Variants in SLC35D4 observed in about 807,000 individuals in gnomAD.
SLC35D4 encodes UDP-N-acetylglucosamine transporter SLC35D4.
the SLC35D4 span, chr18:23,331,664 C>G: frequency 5.2e-5 from 8 of 153,430 alleles, no homozygotes; most frequent in Non-Finnish European, 1.2e-4. Flanking sequence ...AGCACCCACA[C>G]AGCTGCCACC....
At chr18:23,313,150 A>T in the SLC35D4 span, among the ~76,000 whole-genome samples, 1 of 145,326 alleles carries the variant, frequency 6.9e-6, no homozygotes, top group African/African-American at 2.5e-5. Flanking sequence ...AAAAAAAAAA[A>T]AAAAAAAGAA....
the SLC35D4 span, among the ~76,000 whole-genome samples, chr18:23,265,671 C>G: frequency 1.3e-5 from 2 of 152,006 alleles, no homozygotes; most frequent in Non-Finnish European, 2.9e-5. Flanking sequence ...GCTGCCGTGG[C>G]CCCACTGAGA....
the SLC35D4 span, among the ~76,000 whole-genome samples, chr18:23,328,350 G>A: frequency 4.6e-5 from 7 of 152,136 alleles, no homozygotes; most frequent in South Asian, 4.1e-4. Flanking sequence ...AGCAACTTCC[G>A]GAAAGTCTCA....
At chr18:23,315,524 T>C in the SLC35D4 span, among the ~76,000 whole-genome samples, 1 of 152,208 alleles carries the variant, frequency 6.6e-6, no homozygotes, top group Non-Finnish European at 1.5e-5. Context: ...CAATAGAGAC[T>C]TGCATGTGAT....
the SLC35D4 span, among the ~76,000 whole-genome samples, chr18:23,243,242 G>A: frequency 6.6e-6 from 1 of 152,050 alleles, no homozygotes; most frequent in South Asian, 2.1e-4. Flanking sequence ...TTCTGAGGAG[G>A]GGGCCTCTTT....
the SLC35D4 span, among the ~76,000 whole-genome samples, chr18:23,395,850 G>A: frequency 2.6e-5 from 4 of 152,212 alleles, no homozygotes; most frequent in Non-Finnish European, 5.9e-5. Context: ...GCCCGAATCA[G>A]CCCAAGTCCA....
chr18:23,253,998 A>G, the SLC35D4 span: 1 of 1,445,964 alleles, frequency 6.9e-7, no homozygotes, highest in Non-Finnish European at 9.7e-7. Context: ...TTCCTCTCTC[A>G]GAAGGATTCG....
the SLC35D4 span, among the ~76,000 whole-genome samples, chr18:23,390,942 T>C: frequency 3.3e-5 from 5 of 152,098 alleles, no homozygotes; most frequent in Non-Finnish European, 7.4e-5. Flanking sequence ...ATAATGTTCC[T>C]AGGCCGGGTG....
the SLC35D4 span, among the ~76,000 whole-genome samples, chr18:23,433,768 A>G: frequency 2.0e-5 from 3 of 152,190 alleles, no homozygotes; most frequent in Non-Finnish European, 4.4e-5. Flanking sequence ...CTACGAATAA[A>G]TAGGAGAACT....
the SLC35D4 span, among the ~76,000 whole-genome samples, chr18:23,298,879 C>G: frequency 6.6e-6 from 1 of 152,292 alleles, no homozygotes; most frequent in Non-Finnish European, 1.5e-5. Context: ...ATCTGCCTAC[C>G]CAACACCCCA....
the SLC35D4 span, among the ~76,000 whole-genome samples, chr18:23,433,330 C>G: frequency 1.3e-5 from 2 of 152,138 alleles, no homozygotes; most frequent in Non-Finnish European, 2.9e-5. Flanking sequence ...CCTTGTATCT[C>G]TTTTTTCAGT....
At chr18:23,326,798 G>T in the SLC35D4 span, among the ~76,000 whole-genome samples, 1 of 152,086 alleles carries the variant, frequency 6.6e-6, no homozygotes, top group African/African-American at 2.4e-5. Flanking sequence ...TCACATAATT[G>T]GAAGTAAAGC....
chr18:23,310,836 T>C, the SLC35D4 span, among the ~76,000 whole-genome samples: 1 of 152,180 alleles, frequency 6.6e-6, no homozygotes, highest in Admixed American at 6.5e-5. Flanking sequence ...ATTTTGGAAC[T>C]TTTCTTTGTA....
the SLC35D4 span, among the ~76,000 whole-genome samples, chr18:23,295,124 A>G: frequency 6.6e-6 from 1 of 151,788 alleles, no homozygotes; most frequent in East Asian, 1.9e-4. Context: ...TTTGACCCTC[A>G]GTCTCTAGAA....
chr18:23,343,989 C>G, the SLC35D4 span, among the ~76,000 whole-genome samples: 4 of 151,820 alleles, frequency 2.6e-5, no homozygotes, highest in Non-Finnish European at 4.4e-5. Flanking sequence ...ACCTCCACCT[C>G]CCAGGTTCAA....
the SLC35D4 span, among the ~76,000 whole-genome samples, chr18:23,254,574 T>G: frequency 1.3e-5 from 2 of 152,196 alleles, no homozygotes; most frequent in African/African-American, 4.8e-5. Flanking sequence ...CATAACAAAA[T>G]ACCATAGGCT....
chr18:23,435,404 T>A, the SLC35D4 span, among the ~76,000 whole-genome samples: 1 of 152,122 alleles, frequency 6.6e-6, no homozygotes, highest in Non-Finnish European at 1.5e-5. Context: ...ATTATATCCA[T>A]CAGGTTCGCT....
the SLC35D4 span, among the ~76,000 whole-genome samples, chr18:23,295,591 C>T: frequency 6.6e-6 from 1 of 151,962 alleles, no homozygotes; most frequent in South Asian, 2.1e-4. Flanking sequence ...GCATTTTTAC[C>T]TTACATGACA....
the SLC35D4 span, among the ~76,000 whole-genome samples, chr18:23,325,544 A>G: frequency 6.6e-6 from 1 of 152,180 alleles, no homozygotes; most frequent in African/African-American, 2.4e-5. Flanking sequence ...TGGCAAACCA[A>G]TGCTTGGGAG....
Sources: allele counts gnomAD v4.1 joint callset (sites outside exome capture counted in the v4.1 genomes callset), GRCh38; gene constraint gnomAD v4.1.1; transcripts MANE v1.5; gene names NCBI Gene and HGNC (gene_info 2026-07-23, HGNC 2026-07-21).